The following PRKCE variants were observed in gnomAD, a reference collection of about 807,000 sequenced individuals.
PRKCE encodes the protein protein kinase C epsilon type.
In PRKCE, 16 loss-of-function variants were observed where a neutral mutation model predicts 85.4. The observed-to-expected ratio is 0.19, with a 90% CI of 0.13 to 0.28. PRKCE has a LOEUF of 0.28. Ranked by LOEUF, PRKCE falls within the 10% of genes least tolerant of loss-of-function variation. The probability of loss-of-function intolerance (pLI) is 1.00; values close to 1 mark genes in which losing one functional copy is unlikely to be tolerated. For missense variants in PRKCE, 573 were observed against 975.2 expected (o/e 0.59, Z 5.49); for synonymous variants, 388 against 371.5 (o/e 1.04, Z -0.51).
intron 1 of PRKCE, among the ~76,000 whole-genome samples, chr2:45,682,163 C>T (rs1676955796): frequency 2.0e-5 from 3 of 152,110 alleles, no homozygotes; most frequent in Admixed American, 6.5e-5. Context: ...ACAAACTGCC[C>T]ATATTTAAAG....
intron 11 of PRKCE, among the ~76,000 whole-genome samples, chr2:46,126,412 C>G (rs775560176): frequency 1.3e-5 from 2 of 151,934 alleles, no homozygotes; most frequent in Non-Finnish European, 2.9e-5. Context: ...TGCCTTGGAC[C>G]CCTTAGGAGG....
intron 1 of PRKCE, among the ~76,000 whole-genome samples, chr2:45,673,670 G>A: frequency 6.6e-6 from 1 of 152,140 alleles, no homozygotes; most frequent in East Asian, 1.9e-4. Context: ...AGGATCCCAA[G>A]TGTTGTTTAT....
rs909789194 is a variant in PRKCE, at chr2:45,869,406, A to G, written c.412+26343A>G. Among the ~76,000 whole-genome samples, 33 of 152,358 alleles carry G rather than the reference A, an allele frequency of 2.2e-4. 1 individual carries two copies. The South Asian group carries it at 3.1e-3, about 14-fold the overall frequency. ...TTTGTGACACTGCTAGTAATCGCTC[A>G]TAACAATGAAAGTCACAAAATATTG... is the stretch of plus-strand genomic sequence containing the variant. On this transcript the variant is annotated intron_variant, in intron 2 of 14. Coordinates refer to ENST00000306156, the MANE Select transcript of PRKCE (RefSeq NM_005400.3).
chr2:45,702,602 A>C (rs1039991502), intron 1 of PRKCE, among the ~76,000 whole-genome samples: 1 of 152,216 alleles, frequency 6.6e-6, no homozygotes, highest in African/African-American at 2.4e-5. Flanking sequence ...TTCCATAAAC[A>C]TTTGTTGAAT....
chr2:46,152,965 G>GT (rs369512520), intron 13 of PRKCE, among the ~76,000 whole-genome samples: 44 of 151,380 alleles, frequency 2.9e-4, no homozygotes, highest in Non-Finnish European at 5.0e-4. Context: ...CTTTTCTGTA[G>GT]TTTTTTTTTC....
chr2:45,929,451 A>C (rs1698872727), intron 2 of PRKCE, among the ~76,000 whole-genome samples: 1 of 152,046 alleles, frequency 6.6e-6, no homozygotes. Flanking sequence ...CACGGGACTG[A>C]GTTCAGGCAG....
intron 1 of PRKCE, among the ~76,000 whole-genome samples, chr2:45,823,085 C>T (rs1218837089): frequency 1.3e-5 from 2 of 152,190 alleles, no homozygotes; most frequent in Non-Finnish European, 2.9e-5. Context: ...GACTCTGTCC[C>T]CAAGGAGCCT....
intron 11 of PRKCE, among the ~76,000 whole-genome samples, chr2:46,135,928 C>G (rs1447562731): frequency 6.6e-6 from 1 of 150,898 alleles, no homozygotes; most frequent in African/African-American, 2.4e-5. Flanking sequence ...CAATGTTGAT[C>G]TGGAAAAAAC....
At chr2:45,922,047 C>T (rs1322991548) in intron 2 of PRKCE, among the ~76,000 whole-genome samples, 1 of 152,156 alleles carries the variant, frequency 6.6e-6, no homozygotes, top group Non-Finnish European at 1.5e-5. Context: ...GCCCTTTCTG[C>T]ATAGGGGAAT....
chr2:45,828,559 G>C (rs1311747377), intron 1 of PRKCE, among the ~76,000 whole-genome samples: 3 of 152,160 alleles, frequency 2.0e-5, no homozygotes, highest in Non-Finnish European at 2.9e-5. Context: ...TACTTTTCAA[G>C]ATATATGAAA....
intron 1 of PRKCE, among the ~76,000 whole-genome samples, chr2:45,817,407 T>A (rs1405536572): frequency 6.6e-6 from 1 of 152,172 alleles, no homozygotes; most frequent in East Asian, 1.9e-4. Context: ...TTAAAAAAAC[T>A]TTCCGGCTGG....
intron 1 of PRKCE, among the ~76,000 whole-genome samples, chr2:45,704,983 GC>G (rs1365450375): frequency 6.6e-6 from 1 of 152,162 alleles, no homozygotes; most frequent in East Asian, 1.9e-4. Flanking sequence ...CAGGAGGGGA[GC>G]CTGAATGGTC....
At chr2:45,836,583 G>T (rs1458710435) in intron 1 of PRKCE, among the ~76,000 whole-genome samples, 1 of 152,212 alleles carries the variant, frequency 6.6e-6, no homozygotes, top group African/African-American at 2.4e-5. Flanking sequence ...TGCCAGGTGG[G>T]TCTGGGGATG....
In PRKCE at chr2:45,971,135, C is replaced by G. The variant is rs538708910; in HGVS notation, c.413-5294C>G. ...TCTAGGACTTACTCATCTTGCATAA[C>G]TGGAACTTGGTGCCCTTTTACTAGT... On this transcript the variant is annotated intron_variant, in intron 2 of 14. Coordinates refer to ENST00000306156, the MANE Select transcript of PRKCE (RefSeq NM_005400.3). Among the ~76,000 whole-genome samples, 375 of 152,280 alleles carry G rather than the reference C, an allele frequency of 2.5e-3. 2 individuals are homozygous for G. The Middle Eastern group carries it at 0.031, about 12-fold the overall frequency.
intron 12 of PRKCE, among the ~76,000 whole-genome samples, chr2:46,147,781 G>C (rs955245028): frequency 1.3e-5 from 2 of 152,234 alleles, no homozygotes; most frequent in African/African-American, 2.4e-5. Context: ...TCATTGTTGG[G>C]TTGTGTGATG....
chr2:45,996,026 G>C (rs1242626855), intron 6 of PRKCE, among the ~76,000 whole-genome samples: 4 of 151,990 alleles, frequency 2.6e-5, no homozygotes, highest in Admixed American at 1.3e-4. Context: ...TTTAGTTCTT[G>C]ATTTTTTTCA....
intron 11 of PRKCE, among the ~76,000 whole-genome samples, chr2:46,120,850 A>G (rs59297833): frequency 0.014 from 2,071 of 152,278 alleles, 54 homozygotes; most frequent in African/African-American, 0.048. Flanking sequence ...TATTTAATCT[A>G]TCCATACTGT....
In PRKCE at chr2:46,116,183, T is replaced by A. The variant is rs1672751697; in HGVS notation, c.1593-28910T>A. ...GAGATCAGAGACCATGACCTCACCT[T>A]CTCTTGGATCCTCCAAGGTACCCAG... On this transcript the variant is annotated intron_variant, in intron 11 of 14. Coordinates refer to ENST00000306156, the MANE Select transcript of PRKCE (RefSeq NM_005400.3). Among the ~76,000 whole-genome samples the A allele has an allele frequency of 2.0e-5, 3 of 152,294 alleles. No individual in the cohort carries two copies. The South Asian group carries it at 6.2e-4, about 32-fold the overall frequency.
chr2:45,860,282 T>A (rs1364834441), intron 2 of PRKCE, among the ~76,000 whole-genome samples: 2 of 152,210 alleles, frequency 1.3e-5, no homozygotes, highest in Non-Finnish European at 2.9e-5. Flanking sequence ...CCAAATGCTG[T>A]GTTTAGGGGT....
Sources: gnomAD v4.1 joint callset for allele counts (sites outside exome capture counted in the v4.1 genomes callset) on GRCh38, gnomAD v4.1.1 for gene constraint, MANE v1.5 for transcripts, NCBI Gene and HGNC (gene_info 2026-07-23, HGNC 2026-07-21) for gene names.